RPL5: variants seen among roughly 807,000 people sequenced by gnomAD.
The protein encoded by RPL5 is large ribosomal subunit protein uL18.
Under a neutral mutation model 38.4 loss-of-function variants are expected in RPL5, and 1 was observed. That is an observed-to-expected ratio of 0.03 (90% CI 0.01 to 0.12). RPL5 has a LOEUF of 0.12. Among genes scored for constraint, RPL5 ranks in the 10% least tolerant of loss-of-function variants. The pLI is 1.00. For synonymous variants in RPL5, 109 were observed against 121.2 expected (o/e 0.90, Z 0.66); for missense variants, 243 against 374.1 (o/e 0.65, Z 2.89).
rs80136914 is a variant in RPL5, at chr1:92,833,837, A to G, written c.189+177A>G. On this transcript the variant is annotated intron_variant, in intron 3 of 7. Transcript: ENST00000370321. ...ACCTGGGAACTTGGTACTTTAAAAA[A>G]TGCTCTTGGTTGCGCTCATGCCTGT... The G allele has an allele frequency of 3.5e-3, 2,171 of 615,634 alleles. 65 individuals are homozygous for G. The East Asian group carries it at 0.053, about 15-fold the overall frequency. 38.1% of individuals were successfully genotyped at this position (615,634 alleles called of 1,614,324 possible). A position where few individuals can be genotyped will look rare whatever the true frequency, so the allele number is the denominator to read the frequency against.
rs1177042127 is a variant in RPL5, at chr1:92,840,624, A to C, written c.779A>C (p.Glu260Ala). ...NPVYEKKPKK[E>A]VKKKRWNRPK... is the part of the protein sequence containing the mutation. ...GTCTATGAAAAGAAGCCCAAGAAAG[A>C]AGTTAAAAAGAAGAGGTATGTCGTC... The change falls in exon 7 of 8, where the codon GAA (glutamate) becomes GCA (alanine). Residue 260 changes from glutamate (E) to alanine (A), a missense_variant. Coordinates refer to ENST00000370321, the MANE Select transcript of RPL5 (RefSeq NM_000969.5). The C allele has an allele frequency of 2.5e-6, 4 of 1,609,648 alleles. No individual in the cohort carries two copies. The Admixed American group carries it at 5.0e-5, about 20-fold the overall frequency.
At chr1:92,836,083 TTTTCTTTTCCAGATGTCAGTGGTCC>T in intron 4 of RPL5, 82 bp from the exon 5 acceptor site, 1 of 1,045,960 alleles carries the variant, frequency 9.6e-7, no homozygotes, top group Non-Finnish European at 1.5e-6. Flanking sequence ...TGGAAGGAAA[TTTTCTTTTCCAGATGTCAGTGGTCC>T]TTACGGTTAT....
intron 7 of RPL5, among the ~76,000 whole-genome samples, chr1:92,841,055 C>A (rs907373230): frequency 1.3e-5 from 2 of 152,174 alleles, no homozygotes; most frequent in Non-Finnish European, 2.9e-5. Context: ...TTTGTGGCAA[C>A]AACATTTGAA....
chr1:92,833,742 A>G (rs1687008328), intron 3 of RPL5, 82 bp downstream of exon 3: 6 of 1,120,658 alleles, frequency 5.4e-6, no homozygotes, highest in Admixed American at 1.8e-5. Flanking sequence ...TGTGTGTGTT[A>G]GAAGGGCTGT....
chr1:92,841,868 C>A lies in RPL5; in HGVS notation c.*3C>A, dbSNP rs890405972. The A allele has an allele frequency of 9.3e-6, 15 of 1,608,570 alleles. No individual in the cohort carries two copies. The African/African-American group carries it at 9.4e-5, about 10-fold the overall frequency. ...AGGAGCGGGCTGCTGAGAGCTAAAC[C>A]CAGCAATTTTCTATGATTTTTTCAG... On this transcript the variant is annotated 3_prime_UTR_variant, in exon 8 of 8. Transcript: ENST00000370321.
At chr1:92,833,922 A>G (rs1571024993) in intron 3 of RPL5, 1 of 460,910 alleles carries the variant, frequency 2.2e-6, no homozygotes, top group East Asian at 4.3e-5. Context: ...CCTGGGCAAT[A>G]TAGTGAGAGT....
chr1:92,836,641 A>G (rs1687141189), intron 5 of RPL5: 1 of 506,154 alleles, frequency 2.0e-6, no homozygotes, highest in Admixed American at 3.2e-5. Context: ...TGGGATTGAA[A>G]CCACTACCTT....
At chr1:92,832,312 G>A in intron 1 of RPL5, 195 bp downstream of exon 1, 1 of 830,720 alleles carries the variant, frequency 1.2e-6, no homozygotes, top group Admixed American at 2.0e-5. Flanking sequence ...GGGGGGAGGG[G>A]TTGGCGAAGA....
chr1:92,832,534 T>C (rs1686950663), intron 1 of RPL5, among the ~76,000 whole-genome samples: 1 of 152,190 alleles, frequency 6.6e-6, no homozygotes, highest in Non-Finnish European at 1.5e-5. Context: ...TACCGAGTAC[T>C]TCGTGGGTTT....
chr1:92,833,710 G>A (rs778112670), intron 3 of RPL5, 50 bp downstream of exon 3: 4 of 1,446,148 alleles, frequency 2.8e-6, no homozygotes, highest in Non-Finnish European at 3.9e-6. Flanking sequence ...GAGAAATTGT[G>A]CTTGGGAAGC....
At chr1:92,832,458 A>G (rs941398242) in intron 1 of RPL5, among the ~76,000 whole-genome samples, 5 of 152,332 alleles carry the variant, frequency 3.3e-5, no homozygotes, top group Middle Eastern at 3.4e-3. Flanking sequence ...AGTCGACCTC[A>G]GCCTAGCTGG....
rs543919730 is a variant in RPL5 at position 92,832,303 on chromosome 1, G to C, written c.3+186G>C. The C allele has an allele frequency of 1.5e-4, 137 of 897,386 alleles. 1 individual carries two copies. The Admixed American group carries it at 1.8e-3, about 12-fold the overall frequency. The allele number at this position is 897,386 out of a possible 1,614,324, so 55.6% of individuals were successfully genotyped here. ...GGCTGCCGCCCGGTGCGCGAACTTG[G>C]GGGGAGGGGTTGGCGAAGAAGGGTT... is the stretch of plus-strand genomic sequence containing the variant. On this transcript the variant is annotated intron_variant, in intron 1 of 7. Transcript: ENST00000370321.
At position 92,841,891 on chromosome 1, in the gene RPL5, C is replaced by CAGAT; in HGVS notation, c.*28_*31dup. 1 of 1,541,710 alleles carries CAGAT rather than the reference C, an allele frequency of 6.5e-7. No homozygotes were observed. The highest frequency in any genetic ancestry group is 1.1e-5 in the South Asian group (1 of 89,278). ...ACCCAGCAATTTTCTATGATTTTTT[C>CAGAT]AGATATAGATAATAAACTTATGAAC... On this transcript the variant is annotated 3_prime_UTR_variant, in exon 8 of 8. Coordinates refer to ENST00000370321, the MANE Select transcript of RPL5 (RefSeq NM_000969.5).
At chr1:92,835,775 G>GT (rs1268691764) in intron 4 of RPL5, among the ~76,000 whole-genome samples, 1 of 151,592 alleles carries the variant, frequency 6.6e-6, no homozygotes, top group Non-Finnish European at 1.5e-5. Context: ...ATTTTGCCTT[G>GT]TTTTTATTAT....
At position 92,840,651 on chromosome 1, in the gene RPL5, T is replaced by G. The variant is rs1466953841; in HGVS notation, c.794+12T>G. ...GTTAAAAAGAAGAGGTATGTCGTCT[T>G]TTTTTTTGTCTTTTCAAGAAAACAG... On this transcript the variant is annotated intron_variant, in intron 7 of 7. Transcript: ENST00000370321. 3.8e-6 allele frequency: 6 copies of G among 1,596,966 alleles called. No individual in the cohort carries two copies. In the Admixed American group the frequency reaches 8.4e-5, roughly 22 times the overall value.
At chr1:92,840,926 A>G (rs1687340372) in intron 7 of RPL5, 1 of 521,550 alleles carries the variant, frequency 1.9e-6, no homozygotes, top group African/African-American at 1.9e-5. Flanking sequence ...TGATCTTTAA[A>G]TGGAATAGAA....
chr1:92,837,975 A>T (rs1687192995), intron 6 of RPL5, among the ~76,000 whole-genome samples: 1 of 152,220 alleles, frequency 6.6e-6, no homozygotes, highest in Non-Finnish European at 1.5e-5. Flanking sequence ...TGTGTGCTAT[A>T]TTCTGGACTT....
chr1:92,837,158 A>T, intron 5 of RPL5: 1 of 502,074 alleles, frequency 2.0e-6, no homozygotes, highest in Non-Finnish European at 3.7e-6. Context: ...TTTAGAGTAT[A>T]AGTTTTGAAA....
chr1:92,835,270 A>G (rs1363881780), intron 4 of RPL5: 1 of 360,890 alleles, frequency 2.8e-6, no homozygotes, highest in Non-Finnish European at 5.3e-6. Context: ...GCAAACATTA[A>G]AAATGCAGAC....
Sources: allele counts gnomAD v4.1 joint callset (sites outside exome capture counted in the v4.1 genomes callset), GRCh38; gene constraint gnomAD v4.1.1; transcripts MANE v1.5; gene names NCBI Gene and HGNC (gene_info 2026-07-23, HGNC 2026-07-21).